RP1: variants seen among roughly 807,000 people sequenced by gnomAD.
RP1 encodes the protein RP1 axonemal microtubule associated, also known as oxygen-regulated protein 1.
RP1 carries 16 observed loss-of-function variants against 14.8 expected under a neutral mutation model. The observed-to-expected ratio is 1.08, with a 90% CI of 0.73 to 1.65. RP1 has a LOEUF of 1.65. Among genes scored for constraint, RP1 ranks in the 40% most tolerant of loss-of-function variants. RP1 has a pLI of 0.00. For synonymous variants in RP1, 876 were observed against 883.6 expected, an observed-to-expected ratio of 0.99 and a Z score of 0.15; for missense variants, 2,631 against 2,535.0, an observed-to-expected ratio of 1.04 and a Z score of -0.81.
At chr8:54,699,610 T>C (rs773483937) in intron 13 of RP1, 12 of 950,834 alleles carry the variant, frequency 1.3e-5, no homozygotes, top group Non-Finnish European at 1.7e-5. Flanking sequence ...ATCAATAGTA[T>C]TATGTCTGTA....
intron 6 of RP1, among the ~76,000 whole-genome samples, chr8:54,657,105 C>G (rs1054604581): frequency 6.6e-6 from 1 of 151,934 alleles, no homozygotes; most frequent in African/African-American, 2.4e-5. Context: ...CATGAATAGC[C>G]CTAGTTACTG....
chr8:54,648,214 G>A (rs1328387075), intron 3 of RP1, among the ~76,000 whole-genome samples: 3 of 152,034 alleles, frequency 2.0e-5, no homozygotes, highest in African/African-American at 4.8e-5. Flanking sequence ...TTACCTAGTC[G>A]CAGGTAGTAG....
chr8:54,747,801 C>G (rs1037004841), intron 19 of RP1, among the ~76,000 whole-genome samples: 1 of 152,100 alleles, frequency 6.6e-6, no homozygotes, highest in African/African-American at 2.4e-5. Context: ...GCACTCCAGC[C>G]TGGGTGACAG....
At chr8:54,643,565 T>C (rs1177289048) in intron 3 of RP1, among the ~76,000 whole-genome samples, 2 of 152,238 alleles carry the variant, frequency 1.3e-5, no homozygotes, top group African/African-American at 4.8e-5. Context: ...ATTCATTATG[T>C]AACACATTTT....
intron 1 of RP1, among the ~76,000 whole-genome samples, chr8:54,620,577 G>A (rs1218484366): frequency 1.3e-5 from 2 of 152,106 alleles, no homozygotes; most frequent in African/African-American, 4.8e-5. Flanking sequence ...AGAATGTTTT[G>A]CAAACTGATT....
chr8:54,704,075 G>A (rs1374471358), intron 14 of RP1, among the ~76,000 whole-genome samples: 2 of 152,142 alleles, frequency 1.3e-5, no homozygotes, highest in African/African-American at 4.8e-5. Context: ...TTATTCATGT[G>A]TTCACTGGAG....
chr8:54,628,151 T>C lies in RP1; in HGVS notation c.4269T>C (p.Cys1423=), dbSNP rs540468439. 25 of 1,614,002 alleles carry C rather than the reference T, an allele frequency of 1.5e-5. No individual in the cohort carries two copies. The African/African-American group carries it at 2.4e-4, about 15-fold the overall frequency. The change falls in exon 4 of 4, where the codon TGT becomes TGC. Residue 1423 remains cysteine (C), a synonymous_variant. Coordinates refer to ENST00000220676, the MANE Select transcript of RP1 (RefSeq NM_006269.2). ...KHSSLDDFEN[C]SLRKFQDENA... is the part of the protein sequence containing the mutation. ...GTTCTCTAGATGATTTTGAAAATTG[T>C]TCACTAAGGAAGTTTCAGGATGAAA... is the stretch of plus-strand genomic sequence containing the variant.
At chr8:54,772,707 A>G (rs1405182158), downstream of RP1, among the ~76,000 whole-genome samples, 2 of 152,202 alleles carry the variant, frequency 1.3e-5, no homozygotes, top group African/African-American at 4.8e-5. Flanking sequence ...TTAGAATTTG[A>G]ATGCAAGTGG....
intron 8 of RP1, chr8:54,674,066 T>A (rs992896487): frequency 3.1e-6 from 2 of 647,028 alleles, no homozygotes; most frequent in South Asian, 2.1e-5. Context: ...ATCAAAATAT[T>A]GTCTCCAAAT....
At chr8:54,832,869 T>C (rs1439243743) in intron 24 of RP1, among the ~76,000 whole-genome samples, 1 of 152,024 alleles carries the variant, frequency 6.6e-6, no homozygotes. Flanking sequence ...TAGTTGTCAT[T>C]TCTAATGCAT....
intron 8 of RP1, among the ~76,000 whole-genome samples, chr8:54,674,527 G>GAAA (rs377598146): frequency 7.3e-6 from 1 of 136,916 alleles, no homozygotes; most frequent in Non-Finnish European, 1.5e-5. Context: ...AAAAAAAAAG[G>GAAA]AAAAAAAAAC....
At chr8:54,744,808 T>C (rs937164079) in intron 19 of RP1, among the ~76,000 whole-genome samples, 13 of 152,214 alleles carry the variant, frequency 8.5e-5, no homozygotes, top group Non-Finnish European at 5.9e-5. Flanking sequence ...GTCTTTTATA[T>C]AGTCTTCTTA....
chr8:54,825,408 A>C (rs968093973), intron 24 of RP1, among the ~76,000 whole-genome samples: 5 of 152,236 alleles, frequency 3.3e-5, no homozygotes, highest in African/African-American at 1.2e-4. Flanking sequence ...GTTCTTGGGC[A>C]CGTATTATTG....
chr8:54,780,930 T>C, intron 23 of RP1: 1 of 985,220 alleles, frequency 1.0e-6, no homozygotes, highest in Non-Finnish European at 1.2e-6. Context: ...ATACTTCTCA[T>C]TGTAAATATG....
chr8:54,686,587 T>C (rs190791033), intron 12 of RP1, among the ~76,000 whole-genome samples: 152 of 152,256 alleles, frequency 1.0e-3, no homozygotes, highest in African/African-American at 3.5e-3. Flanking sequence ...CTTCATTTTA[T>C]GATAAACTCT....
rs116746129 is a variant in RP1 at position 54,758,211 on chromosome 8, G to A, written c.3094-711G>A. 3.6e-3 allele frequency among the ~76,000 whole-genome samples: 545 copies of A among 152,214 alleles called. 1 individual carries two copies. The highest frequency in any genetic ancestry group is 0.012 in the African/African-American group (506 of 41,530). ...TCCTTTCCTCAGATAACTTTAGGAC[G>A]TTTATTCTCGACAACAATCTACGAG... On this transcript the variant is annotated intron_variant, in intron 21 of 22. Transcript: ENST00000636932.
At chr8:54,678,090 AAGT>A (rs1487545910) in intron 8 of RP1, among the ~76,000 whole-genome samples, 1 of 152,172 alleles carries the variant, frequency 6.6e-6, no homozygotes, top group Non-Finnish European at 1.5e-5. Context: ...AACTTCCTGG[AAGT>A]AGAAAGTGTT....
At chr8:54,865,731 A>C in intron 27 of RP1, 2 of 418,098 alleles carry the variant, frequency 4.8e-6, no homozygotes, top group Non-Finnish European at 8.2e-6. Flanking sequence ...GTACCTTGAC[A>C]TGTGTACTTA....
At chr8:54,861,116 A>G (rs774168548) in intron 27 of RP1, among the ~76,000 whole-genome samples, 2 of 152,238 alleles carry the variant, frequency 1.3e-5, no homozygotes, top group East Asian at 1.9e-4. Context: ...AAAGTATACC[A>G]TAATAGAGTA....
Sources: gnomAD v4.1 joint callset for allele counts (sites outside exome capture counted in the v4.1 genomes callset) on GRCh38, gnomAD v4.1.1 for gene constraint, MANE v1.5 for transcripts, NCBI Gene and HGNC (gene_info 2026-07-23, HGNC 2026-07-21) for gene names.